The following DGKH variants were observed in gnomAD, a reference collection of about 807,000 sequenced individuals.
DGKH encodes DAG kinase eta.
DGKH carries 90 observed loss-of-function variants against 159.3 expected under a neutral mutation model. That is an observed-to-expected ratio of 0.57 (90% CI 0.48 to 0.67). The LOEUF (loss-of-function observed/expected upper bound fraction) is 0.67, where lower values mean the gene tolerates loss of function less well. DGKH is among the 30% of genes least tolerant of loss of function. The probability of loss-of-function intolerance (pLI) is 0.00; values close to 1 mark genes in which losing one functional copy is unlikely to be tolerated. For missense variants in DGKH, 1,181 were observed against 1,506.1 expected (o/e 0.78, Z 3.57); for synonymous variants, 536 against 553.8 (o/e 0.97, Z 0.45).
intron 17 of DGKH, among the ~76,000 whole-genome samples, chr13:42,196,306 C>A (rs1157441888): frequency 6.6e-6 from 1 of 152,120 alleles, no homozygotes; most frequent in African/African-American, 2.4e-5. Context: ...TAGGTATACA[C>A]CCAAGAGAAT....
At chr13:42,108,250 A>G (rs923364756) in intron 1 of DGKH, among the ~76,000 whole-genome samples, 1 of 152,234 alleles carries the variant, frequency 6.6e-6, no homozygotes, top group African/African-American at 2.4e-5. Context: ...TGGGCACAGG[A>G]GCAAAAAGGA....
Position 42,239,660 on chromosome 13 carries a change from G to A in DGKH, c.*10472G>A, listed in dbSNP as rs562282694. ...TGCCATAGGTTTTTTTTTGTTTTTGGTTTTTTTCCAGCAACTAGTTTTTCT... is the reference window on the plus strand; with the variant it reads ...TGCCATAGGTTTTTTTTTGTTTTTGATTTTTTTCCAGCAACTAGTTTTTCT... On this transcript the variant is annotated 3_prime_UTR_variant, in exon 30 of 30. Coordinates refer to ENST00000337343, the MANE Select transcript of DGKH (RefSeq NM_178009.5). 6.6e-6 allele frequency: 1 copy of A among 151,748 alleles called. No homozygotes were observed. The highest frequency in any genetic ancestry group is 2.1e-4 in the South Asian group (1 of 4,784). The allele number at this position is 151,748 out of a possible 1,614,324, so 9.4% of individuals were successfully genotyped here. A position where few individuals can be genotyped will look rare whatever the true frequency, so the allele number is the denominator to read the frequency against.
Position 42,185,106 on chromosome 13 carries a change from C to T in DGKH, c.1539-1943C>T, listed in dbSNP as rs537805336. 5.9e-5 allele frequency among the ~76,000 whole-genome samples: 9 copies of T among 152,006 alleles called. No homozygotes were observed. In the South Asian group the frequency reaches 8.3e-4, roughly 14 times the overall value. ...AAGATTGTTTTTTCTCCAATTTGCACGTTTCTGGTTGGTAGGACTTTGCAA... is the reference window on the plus strand; with the variant it reads ...AAGATTGTTTTTTCTCCAATTTGCATGTTTCTGGTTGGTAGGACTTTGCAA... On this transcript the variant is annotated intron_variant, in intron 13 of 29. Coordinates refer to ENST00000337343, the MANE Select transcript of DGKH (RefSeq NM_178009.5).
intron 1 of DGKH, among the ~76,000 whole-genome samples, chr13:42,065,883 A>T (rs1362856563): frequency 6.6e-6 from 1 of 152,148 alleles, no homozygotes; most frequent in Non-Finnish European, 1.5e-5. Flanking sequence ...TGATCATATG[A>T]TATATAAAAC....
At position 42,223,760 on chromosome 13, in the gene DGKH, C is replaced by A. The variant is rs1958046790; in HGVS notation, c.3573+2366C>A. On this transcript the variant is annotated intron_variant, in intron 29 of 29. Transcript: ENST00000337343. ...TGGGCGACAGAGCAAGACTCTGTCTCCAAAAATGAATATATATATATATGG... is the reference window on the plus strand; with the variant it reads ...TGGGCGACAGAGCAAGACTCTGTCTACAAAAATGAATATATATATATATGG... Among the ~76,000 whole-genome samples, 2 of 141,066 alleles carry A rather than the reference C, an allele frequency of 1.4e-5. 1 individual carries two copies. The highest frequency in any genetic ancestry group is 1.5e-4 in the Admixed American group (2 of 13,676). 92.5% of individuals were successfully genotyped at this position (141,066 alleles called of 152,430 possible).
intron 12 of DGKH, among the ~76,000 whole-genome samples, chr13:42,175,455 A>T (rs1159760556): frequency 6.6e-6 from 1 of 152,206 alleles, no homozygotes; most frequent in Non-Finnish European, 1.5e-5. Flanking sequence ...TATGGAAATC[A>T]GTCCTTTATC....
intron 1 of DGKH, 146 bp from the exon 2 acceptor site, chr13:42,127,317 G>T (rs1287061052): frequency 3.1e-6 from 2 of 646,582 alleles, no homozygotes; most frequent in Non-Finnish European, 5.3e-6. Context: ...ATGCAAAGCT[G>T]TGGTGAGAGT....
At chr13:42,083,338 A>G (rs530801051) in intron 1 of DGKH, among the ~76,000 whole-genome samples, 1 of 150,662 alleles carries the variant, frequency 6.6e-6, no homozygotes, top group Non-Finnish European at 1.5e-5. Flanking sequence ...GTGATACTGT[A>G]AGTAGTGGTA....
At chr13:42,053,379 T>C (rs1017345042) in intron 1 of DGKH, among the ~76,000 whole-genome samples, 3 of 147,622 alleles carry the variant, frequency 2.0e-5, no homozygotes, top group African/African-American at 7.4e-5. Flanking sequence ...TATATAACTA[T>C]ATATAACTAT....
chr13:42,169,456 A>G (rs1463021065), intron 11 of DGKH, among the ~76,000 whole-genome samples: 1 of 152,164 alleles, frequency 6.6e-6, no homozygotes, highest in Non-Finnish European at 1.5e-5. Flanking sequence ...CAATGTGTGT[A>G]CCCTGCGTGT....
At chr13:42,193,512 A>G (rs538150043) in intron 16 of DGKH, among the ~76,000 whole-genome samples, 12 of 152,332 alleles carry the variant, frequency 7.9e-5, no homozygotes, top group African/African-American at 2.6e-4. Flanking sequence ...ATCATCATGT[A>G]ATAATTCATA....
rs1364624603 is a variant in DGKH at position 42,235,796 on chromosome 13, T to C, written c.*6608T>C. 2 of 152,206 alleles carry C rather than the reference T, an allele frequency of 1.3e-5. No individual in the cohort carries two copies. The highest frequency in any genetic ancestry group is 4.8e-5 in the African/African-American group (2 of 41,470). 9.4% of individuals were successfully genotyped at this position (152,206 alleles called of 1,614,324 possible). ...TTTATCTACAGCTGGGAAAATATAA[T>C]TATTTTCAAATCTTCAAGTAAGTTG... On this transcript the variant is annotated 3_prime_UTR_variant, in exon 30 of 30. Coordinates refer to ENST00000337343, the MANE Select transcript of DGKH (RefSeq NM_178009.5).
chr13:42,189,031 C>G lies in DGKH; in HGVS notation c.1639-5C>G. The G allele has an allele frequency of 1.2e-6, 2 of 1,609,130 alleles. No individual in the cohort carries two copies. Among genetic ancestry groups the G allele is most frequent in the Non-Finnish European group, 1.7e-6 (2 of 1,176,530 alleles). On this transcript the variant is annotated splice_polypyrimidine_tract_variant and splice_region_variant and intron_variant, in intron 14 of 29. Coordinates refer to ENST00000337343, the MANE Select transcript of DGKH (RefSeq NM_178009.5). ...ATTTTTCTCATTGCCATATTTTCCT[C>G]TCAGTGTTCAGTCCTAAACGAGAAG...
At position 42,199,590 on chromosome 13, in the gene DGKH, C is replaced by A; in HGVS notation, c.2310C>A (p.Val770=). 6.2e-7 allele frequency: 1 copy of A among 1,600,382 alleles called. No homozygotes were observed. Among genetic ancestry groups the A allele is most frequent in the South Asian group, 1.1e-5 (1 of 87,140 alleles). The change falls in exon 19 of 30, where the codon GTC becomes GTA. Residue 770 remains valine (V), a synonymous_variant. Coordinates refer to ENST00000337343, the MANE Select transcript of DGKH (RefSeq NM_178009.5). ...DSVDGYSEKC[V]MNNYFGIGLD... ...GAGATGGATATTCAGAAAAATGTGT[C>A]ATGAACAATTACTTTGGGATTGGAT...
chr13:42,220,041 T>C (rs1301730077), intron 28 of DGKH, among the ~76,000 whole-genome samples: 1 of 152,200 alleles, frequency 6.6e-6, no homozygotes, highest in Non-Finnish European at 1.5e-5. Context: ...TGGGAATCTC[T>C]AGTAAGGAAG....
Position 42,241,935 on chromosome 13 carries a change from G to A in DGKH, c.*12747G>A, listed in dbSNP as rs1958521462. 1.3e-5 allele frequency: 2 copies of A among 152,200 alleles called. No homozygotes were observed. The highest frequency in any genetic ancestry group is 1.3e-4 in the Admixed American group (2 of 15,284). The allele number at this position is 152,200 out of a possible 1,614,324, so 9.4% of individuals were successfully genotyped here. Reference sequence around the variant, plus strand: ...AAAACTGTATCTTTATTGTCAGTAAGTGTGGAAAAAAACCCGACTTGTATG... The same window carrying A: ...AAAACTGTATCTTTATTGTCAGTAAATGTGGAAAAAAACCCGACTTGTATG... On this transcript the variant is annotated 3_prime_UTR_variant, in exon 30 of 30. Coordinates refer to ENST00000337343, the MANE Select transcript of DGKH (RefSeq NM_178009.5).
chr13:42,184,950 A>G (rs902013052), intron 13 of DGKH, among the ~76,000 whole-genome samples: 1 of 151,668 alleles, frequency 6.6e-6, no homozygotes. Context: ...TTTAATCTCT[A>G]TGGGAAAATC....
At chr13:42,048,058 A>T (rs868102470), upstream of DGKH, among the ~76,000 whole-genome samples, 12 of 113,686 alleles carry the variant, frequency 1.1e-4, no homozygotes, top group Admixed American at 2.5e-4. This position sits in a 1 kb window ranked among gnomAD's most constrained non-coding sequence, Gnocchi z 6.7. Flanking sequence ...CGCCGCCGTC[A>T]GGAGAGCTGA....
chr13:42,186,900 C>T (rs1298380976), intron 13 of DGKH, 149 bp from the exon 14 acceptor site: 2 of 628,088 alleles, frequency 3.2e-6, no homozygotes, highest in African/African-American at 3.7e-5. Flanking sequence ...GTGAGACAAA[C>T]TGCACAGCAG....
Sources: allele counts gnomAD v4.1 joint callset (sites outside exome capture counted in the v4.1 genomes callset), GRCh38; gene constraint gnomAD v4.1.1; non-coding constraint Gnocchi (gnomAD v3.1); transcripts MANE v1.5; gene names NCBI Gene and HGNC (gene_info 2026-07-23, HGNC 2026-07-21).